CNBD1: variants seen among roughly 807,000 people sequenced by gnomAD.
The protein encoded by CNBD1 is cyclic nucleotide binding domain containing 1, also known as cyclic nucleotide-binding domain-containing protein 1.
A neutral mutation model predicts 54.4 loss-of-function variants in CNBD1; 71 were observed. That is an observed-to-expected ratio of 1.30 (90% CI 1.08 to 1.59). The LOEUF (loss-of-function observed/expected upper bound fraction) is 1.59. CNBD1 is among the 40% of genes most tolerant of loss of function. The pLI is 0.00. For synonymous variants in CNBD1, 182 were observed against 170.7 expected (o/e 1.07, Z -0.51); for missense variants, 659 against 518.0 (o/e 1.27, Z -2.64).
intron 4 of CNBD1, among the ~76,000 whole-genome samples, chr8:87,142,492 C>T (rs1300309755): frequency 6.6e-6 from 1 of 151,976 alleles, no homozygotes; most frequent in African/African-American, 2.4e-5. Context: ...CAATATATAA[C>T]TAAACTGTAG....
At chr8:87,413,139 C>A (rs1343953045) in intron 2 of CNBD1, among the ~76,000 whole-genome samples, 1 of 151,904 alleles carries the variant, frequency 6.6e-6, no homozygotes, top group African/African-American at 2.4e-5. Context: ...AGATATGCGG[C>A]CTTATATCCT....
At chr8:87,105,845 C>T (rs1322193931) in intron 4 of CNBD1, among the ~76,000 whole-genome samples, 1 of 151,966 alleles carries the variant, frequency 6.6e-6, no homozygotes, top group African/African-American at 2.4e-5. Flanking sequence ...GAGGAGGTCT[C>T]GGTATCTTCA....
intron 4 of CNBD1, among the ~76,000 whole-genome samples, chr8:87,068,139 A>G (rs1041092029): frequency 2.6e-5 from 4 of 151,972 alleles, no homozygotes; most frequent in Non-Finnish European, 5.9e-5. Flanking sequence ...CTCCAATATA[A>G]AGCAAGCATG....
chr8:86,953,532 A>G (rs935847431), intron 4 of CNBD1, among the ~76,000 whole-genome samples: 1 of 152,192 alleles, frequency 6.6e-6, no homozygotes, highest in Non-Finnish European at 1.5e-5. Flanking sequence ...AACATTTTTC[A>G]CTAAAATATG....
intron 4 of CNBD1, 65 bp downstream of exon 4, chr8:86,939,819 A>G (rs1809619910): frequency 9.3e-7 from 1 of 1,080,064 alleles, no homozygotes; most frequent in Admixed American, 2.8e-5. Context: ...TTATTTTTTA[A>G]AGTTTATTGT....
intron 4 of CNBD1, among the ~76,000 whole-genome samples, chr8:87,061,384 G>A (rs1463042731): frequency 1.3e-5 from 2 of 152,114 alleles, no homozygotes; most frequent in Admixed American, 6.5e-5. Flanking sequence ...ACAGCAAATG[G>A]TCATATTTTT....
rs775865095 is a variant in CNBD1 at position 87,195,137 on chromosome 8, C to T, written c.432-10856C>T. On this transcript the variant is annotated intron_variant, in intron 4 of 10. Transcript: ENST00000518476. ...TGACCTCATGATCCACCCACCTCAG[C>T]ATCCCAAAGTCCTGGGATTACAGGC... Among the ~76,000 whole-genome samples, 39 of 152,006 alleles carry T rather than the reference C, an allele frequency of 2.6e-4. No homozygotes were observed. In the Middle Eastern group the frequency reaches 0.017, roughly 67 times the overall value.
chr8:87,426,312 G>A (rs1808049698), intron 2 of CNBD1, among the ~76,000 whole-genome samples: 2 of 152,186 alleles, frequency 1.3e-5, no homozygotes, highest in Non-Finnish European at 2.9e-5. Context: ...GTAGACCGGA[G>A]CTGTTCCTAT....
At chr8:87,370,255 G>C (rs1810749498) in intron 10 of CNBD1, among the ~76,000 whole-genome samples, 1 of 152,028 alleles carries the variant, frequency 6.6e-6, no homozygotes, top group African/African-American at 2.4e-5. Context: ...TAATGGGATG[G>C]CTGGGTCAAA....
intron 2 of CNBD1, among the ~76,000 whole-genome samples, chr8:87,395,730 G>C (rs975332178): frequency 2.0e-5 from 3 of 151,796 alleles, no homozygotes; most frequent in African/African-American, 7.3e-5. Flanking sequence ...TGGTATGGCT[G>C]TATCCCCACC....
At chr8:87,001,352 G>A (rs1808988812) in intron 4 of CNBD1, among the ~76,000 whole-genome samples, 1 of 151,894 alleles carries the variant, frequency 6.6e-6, no homozygotes, top group African/African-American at 2.4e-5. Context: ...TTTTCTTCCT[G>A]GTTGAATTAT....
intron 4 of CNBD1, among the ~76,000 whole-genome samples, chr8:86,950,194 G>T (rs1807581926): frequency 6.6e-6 from 1 of 151,298 alleles, no homozygotes; most frequent in South Asian, 2.1e-4. Flanking sequence ...CAGAGTAGCT[G>T]GGATTACAGG....
Position 87,353,725 on chromosome 8 carries a change from G to T in CNBD1, c.1242G>T (p.Thr414=), listed in dbSNP as rs756840427. Residue 414 remains threonine, a synonymous_variant, in exon 10 of 11, where the codon ACG becomes ACT. Coordinates refer to ENST00000518476, the MANE Select transcript of CNBD1 (RefSeq NM_173538.3). ...GCGTCCTTCTTCAAGTTCCTTTCAC[G>T]TGCACAATCATTACCAAAAAAGAAG... The part of the protein sequence containing the change: ...EISVLLQVPF[T]CTIITKKEVE... 1.3e-5 allele frequency: 21 copies of T among 1,611,690 alleles called. No homozygotes were observed. Among genetic ancestry groups the T allele is most frequent in the Middle Eastern group, 1.7e-4 (1 of 6,014 alleles).
chr8:86,999,469 C>T (rs1808948254), intron 4 of CNBD1, among the ~76,000 whole-genome samples: 1 of 152,080 alleles, frequency 6.6e-6, no homozygotes, highest in South Asian at 2.1e-4. Flanking sequence ...CCTACCTTGC[C>T]CATCCATTCC....
chr8:87,237,113 G>A lies in CNBD1; in HGVS notation c.771+1G>A, dbSNP rs760362513. On this transcript the variant is annotated splice_donor_variant, in intron 6 of 10. Coordinates refer to ENST00000518476, the MANE Select transcript of CNBD1 (RefSeq NM_173538.3). LOFTEE classifies it high-confidence loss of function. Reference sequence around the variant, plus strand: ...GTACCTACCTTCATATGACTCAATGGTAAGAGATGAGTATTTGCTTTTTCC... The same window carrying A: ...GTACCTACCTTCATATGACTCAATGATAAGAGATGAGTATTTGCTTTTTCC... 2 of 1,581,104 alleles carry A rather than the reference G, an allele frequency of 1.3e-6. No homozygotes were observed. Among genetic ancestry groups the A allele is most frequent in the Non-Finnish European group, 1.7e-6 (2 of 1,159,074 alleles).
At chr8:86,930,181 G>C (rs562928740) in intron 3 of CNBD1, among the ~76,000 whole-genome samples, 1 of 152,276 alleles carries the variant, frequency 6.6e-6, no homozygotes, top group South Asian at 2.1e-4. Context: ...CCCCGCAACT[G>C]TTTTAATGTC....
chr8:87,345,362 G>T (rs1222534398), intron 8 of CNBD1, among the ~76,000 whole-genome samples: 1 of 151,996 alleles, frequency 6.6e-6, no homozygotes, highest in African/African-American at 2.4e-5. Context: ...GTTTCTACTT[G>T]CTTAGCATCT....
intron 4 of CNBD1, among the ~76,000 whole-genome samples, chr8:87,201,979 A>G (rs1488724833): frequency 1.3e-5 from 2 of 152,154 alleles, no homozygotes; most frequent in African/African-American, 2.4e-5. Flanking sequence ...GACATCCAAC[A>G]TAGTTTGTTT....
chr8:87,332,248 TGA>T (rs999669655), intron 8 of CNBD1, among the ~76,000 whole-genome samples: 1 of 151,832 alleles, frequency 6.6e-6, no homozygotes, highest in African/African-American at 2.4e-5. Flanking sequence ...TTCTGGAGGC[TGA>T]GTCAGGAGAA....
Sources: allele counts gnomAD v4.1 joint callset (sites outside exome capture counted in the v4.1 genomes callset), GRCh38; gene constraint gnomAD v4.1.1; transcripts MANE v1.5; gene names NCBI Gene and HGNC (gene_info 2026-07-23, HGNC 2026-07-21).